The following NAGK variants were observed in gnomAD, a reference collection of about 807,000 sequenced individuals.
NAGK encodes the protein N-acetyl-D-glucosamine kinase.
A neutral mutation model predicts 42.9 loss-of-function variants in NAGK; 35 were observed. The ratio of observed to expected loss-of-function variants is 0.82; its 90% CI spans 0.62 to 1.08. The LOEUF (loss-of-function observed/expected upper bound fraction) is 1.08, where lower values mean the gene tolerates loss of function less well. Among genes scored for constraint, NAGK ranks in the 50% least tolerant of loss-of-function variants. The probability of loss-of-function intolerance (pLI) is 0.00; values close to 1 mark genes in which losing one functional copy is unlikely to be tolerated. For missense variants in NAGK, 446 were observed against 446.0 expected (o/e 1.00, Z 0.00); for synonymous variants, 172 against 176.0 (o/e 0.98, Z 0.18).
intron 9 of NAGK, 45 bp from the exon 10 acceptor site, chr2:71,078,273 G>C: frequency 6.3e-7 from 1 of 1,583,008 alleles, no homozygotes. Flanking sequence ...CCCAGTACAG[G>C]TTGCTGTTCT....
chr2:71,070,721 C>G lies in NAGK; in HGVS notation c.115-20C>G. The G allele has an allele frequency of 6.2e-7, 1 of 1,614,130 alleles. No individual in the cohort carries two copies. ...CTTCTGTAAGCCTTTGTAACTCCTT[C>G]TTCCCTTGATTGGGGCCAGCTGATC... On this transcript the variant is annotated intron_variant, in intron 2 of 9. Coordinates refer to ENST00000244204, the MANE Select transcript of NAGK (RefSeq NM_017567.6).
intron 5 of NAGK, 149 bp from the exon 6 acceptor site, chr2:71,073,333 T>TCCCCCCCCCCCCCCCC: frequency 3.6e-6 from 1 of 275,672 alleles, no homozygotes. Context: ...CACCCCCCTC[T>TCCCCCCCCCCCCCCCC]CCCACCCCCT....
intron 1 of NAGK, chr2:71,068,914 C>A: frequency 7.7e-7 from 1 of 1,298,244 alleles, no homozygotes; most frequent in Non-Finnish European, 9.7e-7. Flanking sequence ...GTGCAACAGC[C>A]ACACCCCGGG....
At chr2:71,073,122 C>T (rs968130722) in intron 5 of NAGK, 11 of 456,936 alleles carry the variant, frequency 2.4e-5, no homozygotes, top group Non-Finnish European at 4.0e-5. Context: ...CATCACCTCT[C>T]TCTAGGTAGT....
intron 8 of NAGK, 21 bp downstream of exon 8, chr2:71,076,722 A>G (rs764451520): frequency 1.2e-5 from 19 of 1,601,270 alleles, no homozygotes; most frequent in East Asian, 2.2e-5. Context: ...GTGGGAGTGA[A>G]GGTGGGGAGC....
In NAGK at chr2:71,071,564, G is replaced by A. The variant is rs183889158; in HGVS notation, c.214-122G>A. Reference sequence around the variant, plus strand: ...TGTGTGGGGAGAAAGGAGGACTGGGGCTGGGTGAACAGGGTATGGCCAGAT... The same window carrying A: ...TGTGTGGGGAGAAAGGAGGACTGGGACTGGGTGAACAGGGTATGGCCAGAT... On this transcript the variant is annotated intron_variant, in intron 3 of 9. Coordinates refer to ENST00000244204, the MANE Select transcript of NAGK (RefSeq NM_017567.6). 4.5e-4 allele frequency: 597 copies of A among 1,338,532 alleles called. 5 individuals are homozygous for A. In the Admixed American group the frequency reaches 0.015, roughly 33 times the overall value. The allele number at this position is 1,338,532 out of a possible 1,614,324, so 82.9% of individuals were successfully genotyped here.
At chr2:71,071,579 T>C in intron 3 of NAGK, 107 bp from the exon 4 acceptor site, 1 of 1,435,874 alleles carries the variant, frequency 7.0e-7, no homozygotes, top group Admixed American at 2.2e-5. Flanking sequence ...GTGAACAGGG[T>C]ATGGCCAGAT....
intron 3 of NAGK, 158 bp downstream of exon 3, chr2:71,070,997 A>C (rs1402175083): frequency 1.8e-5 from 13 of 713,936 alleles, no homozygotes; most frequent in Non-Finnish European, 7.2e-6. Context: ...TCATGGCTTC[A>C]GTTGCCACCT....
intron 6 of NAGK, chr2:71,075,006 A>T (rs1672158059): frequency 6.6e-6 from 1 of 152,556 alleles, no homozygotes; most frequent in African/African-American, 2.4e-5. Context: ...GATTGGAAGG[A>T]CCTACCTTCT....
rs1672059873 is a variant in NAGK, at chr2:71,072,639, A to G, written c.356-2A>G. 6.2e-7 allele frequency: 1 copy of G among 1,612,690 alleles called. No individual in the cohort carries two copies. Among genetic ancestry groups the G allele is most frequent in the Non-Finnish European group, 8.5e-7 (1 of 1,178,812 alleles). On this transcript the variant is annotated splice_acceptor_variant, in intron 4 of 9. Transcript: ENST00000244204. LOFTEE classifies it high-confidence loss of function. ...ACTGAGCCTCCTATTCCCTTTCCCC[A>G]GGTGGAGTTGTGCTCATATCTGGAA...
intron 3 of NAGK, chr2:71,071,219 G>C: frequency 3.1e-6 from 1 of 320,850 alleles, no homozygotes; most frequent in South Asian, 3.5e-5. Flanking sequence ...AAAGTGGTTA[G>C]TATAGAGCCT....
Position 71,070,746 on chromosome 2 carries a change from C to A in NAGK, c.120C>A (p.Ile40=). 6.2e-7 allele frequency: 1 copy of A among 1,614,102 alleles called. No individual in the cohort carries two copies. Among genetic ancestry groups the A allele is most frequent in the Non-Finnish European group, 8.5e-7 (1 of 1,180,016 alleles). ...CTTCCCTTGATTGGGGCCAGCTGAT[C>A]GGGACAGACAAGTGTGTGGAGAGGA... ...ADGLSTNHWL[I]GTDKCVERIN... is the part of the protein sequence containing the mutation. Residue 40 remains isoleucine, a synonymous_variant, in exon 3 of 10, where the codon ATC becomes ATA. Coordinates refer to ENST00000244204, the MANE Select transcript of NAGK (RefSeq NM_017567.6).
chr2:71,078,193 GT>G, intron 9 of NAGK, 124 bp from the exon 10 acceptor site: 1 of 913,738 alleles, frequency 1.1e-6, no homozygotes, highest in Non-Finnish European at 1.7e-6. Flanking sequence ...CACTTGGCAT[GT>G]AGGCCCCTCC....
Position 71,072,014 on chromosome 2 carries a change from G to A in NAGK, c.355+187G>A, listed in dbSNP as rs183850976. On this transcript the variant is annotated intron_variant, in intron 4 of 9. Transcript: ENST00000244204. Reference sequence around the variant, plus strand: ...GGCAGCAGGAGGAAGGGCAAGAAAGGTCTCTTGATGGGAATCCAGGAGTGG... The same window carrying A: ...GGCAGCAGGAGGAAGGGCAAGAAAGATCTCTTGATGGGAATCCAGGAGTGG... 1.8e-4 allele frequency among the ~76,000 whole-genome samples: 28 copies of A among 152,314 alleles called. No individual in the cohort carries two copies. The East Asian group carries it at 3.7e-3, about 20-fold the overall frequency.
intron 8 of NAGK, 74 bp downstream of exon 8, chr2:71,076,775 TC>T: frequency 7.9e-7 from 1 of 1,258,412 alleles, no homozygotes; most frequent in Non-Finnish European, 1.2e-6. Flanking sequence ...GATGGGACTA[TC>T]CCATCAAACC....
intron 7 of NAGK, 198 bp downstream of exon 7, chr2:71,075,840 G>T: frequency 3.4e-6 from 2 of 586,176 alleles, no homozygotes; most frequent in South Asian, 4.3e-5. Context: ...TGACAGTTTT[G>T]TATTACCTGT....
At position 71,072,858 on chromosome 2, in the gene NAGK, G is replaced by A. The variant is rs558948558; in HGVS notation, c.466+107G>A. The A allele has an allele frequency of 7.0e-6, 7 of 999,162 alleles. No homozygotes were observed. The East Asian group carries it at 1.8e-4, about 26-fold the overall frequency. The allele number at this position is 999,162 out of a possible 1,614,324, so 61.9% of individuals were successfully genotyped here. On this transcript the variant is annotated intron_variant, in intron 5 of 9. Transcript: ENST00000244204. ...TCACTGAGCCCTTGGGGCTTCCTGG[G>A]GACAACTCCTGAACCTGGCCATTCC... is the stretch of plus-strand genomic sequence containing the variant.
At chr2:71,070,359 C>G (rs1179896792) in intron 1 of NAGK, 143 bp from the exon 2 acceptor site, 5 of 621,404 alleles carry the variant, frequency 8.0e-6, no homozygotes, top group Non-Finnish European at 1.4e-5. Flanking sequence ...CACTGAACCA[C>G]AGAGGCGGGT....
rs150291813 is a variant in NAGK, at chr2:71,073,936, A to C, written c.579+342A>C. Among the ~76,000 whole-genome samples, 733 of 152,306 alleles carry C rather than the reference A, an allele frequency of 4.8e-3. 11 individuals carry two copies. Among genetic ancestry groups the C allele is most frequent in the African/African-American group, 0.017 (710 of 41,564 alleles). ...AAAGTGCAGGATGAGATCACAGGGC[A>C]GAGACAGCAGGTAGAGTATGAATGT... is the stretch of plus-strand genomic sequence containing the variant. On this transcript the variant is annotated intron_variant, in intron 6 of 9. Coordinates refer to ENST00000244204, the MANE Select transcript of NAGK (RefSeq NM_017567.6).
Sources: gnomAD v4.1 joint callset for allele counts (sites outside exome capture counted in the v4.1 genomes callset) on GRCh38, gnomAD v4.1.1 for gene constraint, MANE v1.5 for transcripts, NCBI Gene and HGNC (gene_info 2026-07-23, HGNC 2026-07-21) for gene names.